The following SLC9A9 variants were observed in gnomAD, a reference collection of about 807,000 sequenced individuals.
The protein encoded by SLC9A9 is solute carrier family 9 member A9, also known as sodium/hydrogen exchanger 9.
Under a neutral mutation model 77.8 loss-of-function variants are expected in SLC9A9, and 62 were observed. The observed-to-expected ratio is 0.80, with a 90% confidence interval of 0.65 to 0.98. SLC9A9 has a LOEUF of 0.98. Ranked by LOEUF, SLC9A9 falls within the 50% of genes least tolerant of loss-of-function variation. The probability of loss-of-function intolerance (pLI) is 0.00; values close to 1 mark genes in which losing one functional copy is unlikely to be tolerated. For missense variants in SLC9A9, 775 were observed against 774.9 expected, an observed-to-expected ratio of 1.00 and a Z score of 0.00; for synonymous variants, 320 against 283.5, an observed-to-expected ratio of 1.13 and a Z score of -1.29.
chr3:143,308,566 ACT>A (rs958428773), intron 14 of SLC9A9, among the ~76,000 whole-genome samples: 6 of 145,590 alleles, frequency 4.1e-5, no homozygotes, highest in African/African-American at 7.6e-5. Flanking sequence ...ACAGAGCGAG[ACT>A]CTGTCTCAAA....
At chr3:143,583,656 G>A (rs2108669591) in intron 6 of SLC9A9, among the ~76,000 whole-genome samples, 1 of 152,252 alleles carries the variant, frequency 6.6e-6, no homozygotes, top group East Asian at 1.9e-4. Context: ...CAACCACACT[G>A]GGTTGCTATG....
chr3:143,597,414 T>C (rs994043254), intron 6 of SLC9A9, among the ~76,000 whole-genome samples: 4 of 152,186 alleles, frequency 2.6e-5, no homozygotes, highest in Non-Finnish European at 5.9e-5. Context: ...GGCTTGTTTG[T>C]GCTCAAAGAG....
intron 2 of SLC9A9, among the ~76,000 whole-genome samples, chr3:143,810,524 G>C (rs2008837414): frequency 6.6e-6 from 1 of 152,194 alleles, no homozygotes; most frequent in African/African-American, 2.4e-5. Flanking sequence ...AGAGACAGGA[G>C]AATAAATTAA....
intron 12 of SLC9A9, among the ~76,000 whole-genome samples, chr3:143,389,982 G>C (rs1307396027): frequency 6.6e-6 from 1 of 152,198 alleles, no homozygotes; most frequent in Non-Finnish European, 1.5e-5. Flanking sequence ...TGAGAGCAGT[G>C]GTGCCCCTCT....
intron 4 of SLC9A9, among the ~76,000 whole-genome samples, chr3:143,782,977 T>A (rs2007929815): frequency 6.6e-6 from 1 of 152,136 alleles, no homozygotes; most frequent in Non-Finnish European, 1.5e-5. Flanking sequence ...TTCTGTCAGT[T>A]CCATCATTCA....
At chr3:143,799,115 G>A (rs980556314) in intron 2 of SLC9A9, among the ~76,000 whole-genome samples, 2 of 152,092 alleles carry the variant, frequency 1.3e-5, no homozygotes, top group Non-Finnish European at 2.9e-5. Context: ...CATAGTCAAG[G>A]TTAATGCTCC....
chr3:143,577,961 C>T (rs2037389140), intron 7 of SLC9A9, among the ~76,000 whole-genome samples: 1 of 152,228 alleles, frequency 6.6e-6, no homozygotes, highest in South Asian at 2.1e-4. Flanking sequence ...CAGCTTCTTT[C>T]TTTGGCTCAG....
At chr3:143,329,675 A>G (rs1318260914) in intron 14 of SLC9A9, among the ~76,000 whole-genome samples, 1 of 152,080 alleles carries the variant, frequency 6.6e-6, no homozygotes, top group African/African-American at 2.4e-5. Flanking sequence ...AGGGAGCTTC[A>G]CTTCTGTTCC....
In SLC9A9 at chr3:143,524,097, G is replaced by C. The variant is rs560731369; in HGVS notation, c.1089+28265C>G. On this transcript the variant is annotated intron_variant, in intron 9 of 15. Coordinates refer to ENST00000316549, the MANE Select transcript of SLC9A9 (RefSeq NM_173653.4). ...TAGAAGGAAGATCAAGAAAGGGCTG[G>C]GTGTTTCAGAGAAACCAAGTGAAGA... is the stretch of plus-strand genomic sequence containing the variant. Among the ~76,000 whole-genome samples the C allele has an allele frequency of 4.6e-5, 7 of 152,064 alleles. No individual in the cohort carries two copies. The South Asian group carries it at 1.5e-3, about 32-fold the overall frequency.
In SLC9A9 at chr3:143,587,394, T is replaced by C. The variant is rs146106571; in HGVS notation, c.756-8671A>G. On this transcript the variant is annotated intron_variant, in intron 6 of 15. Transcript: ENST00000316549. ...GCAAGAGAGGATGGGACAGAGAGGA[T>C]TGGGATGGTCAGGGAAGGCTTCTCT... Among the ~76,000 whole-genome samples the C allele has an allele frequency of 9.8e-4, 149 of 152,018 alleles. 1 individual carries two copies. Among genetic ancestry groups the C allele is most frequent in the African/African-American group, 3.5e-3 (144 of 41,470 alleles).
At chr3:143,569,473 C>T (rs1224494267) in intron 8 of SLC9A9, among the ~76,000 whole-genome samples, 1 of 152,098 alleles carries the variant, frequency 6.6e-6, no homozygotes, top group African/African-American at 2.4e-5. Context: ...ATACCCCACA[C>T]CTCATATCAA....
intron 3 of SLC9A9, among the ~76,000 whole-genome samples, chr3:143,795,736 A>G (rs1027785960): frequency 6.6e-6 from 1 of 152,164 alleles, no homozygotes; most frequent in East Asian, 1.9e-4. Flanking sequence ...CTCCAAAACA[A>G]AACAAAACAA....
intron 2 of SLC9A9, among the ~76,000 whole-genome samples, chr3:143,809,812 T>C (rs113703978): frequency 1.3e-5 from 2 of 152,350 alleles, no homozygotes; most frequent in African/African-American, 2.4e-5. Context: ...ACTAGCCACA[T>C]GAGCCATTGA....
At chr3:143,842,024 G>T (rs2009719353) in intron 1 of SLC9A9, among the ~76,000 whole-genome samples, 1 of 151,952 alleles carries the variant, frequency 6.6e-6, no homozygotes, top group Non-Finnish European at 1.5e-5. Context: ...CAAAGTGCTG[G>T]GATTACAGGA....
intron 12 of SLC9A9, among the ~76,000 whole-genome samples, chr3:143,431,815 C>A (rs1187625120): frequency 2.0e-5 from 3 of 152,106 alleles, no homozygotes; most frequent in African/African-American, 7.2e-5. Flanking sequence ...CTCAGCCCCT[C>A]CTACTCTCCT....
chr3:143,565,318 G>C (rs1291014275), intron 8 of SLC9A9, among the ~76,000 whole-genome samples: 2 of 152,116 alleles, frequency 1.3e-5, no homozygotes, highest in South Asian at 4.1e-4. Flanking sequence ...CATGTTATTT[G>C]TGCCATCTTC....
chr3:143,368,066 T>C (rs1156769277), intron 13 of SLC9A9, among the ~76,000 whole-genome samples: 1 of 152,180 alleles, frequency 6.6e-6, no homozygotes, highest in Non-Finnish European at 1.5e-5. Flanking sequence ...GAATGTTTGA[T>C]ACATTGGGAT....
intron 6 of SLC9A9, among the ~76,000 whole-genome samples, chr3:143,586,650 G>T (rs935660788): frequency 2.6e-5 from 4 of 152,156 alleles, no homozygotes; most frequent in Non-Finnish European, 4.4e-5. Flanking sequence ...TATGAATAAG[G>T]AATTGATTTT....
chr3:143,815,710 A>AG (rs2008994723), intron 2 of SLC9A9, among the ~76,000 whole-genome samples: 2 of 74,870 alleles, frequency 2.7e-5, no homozygotes, highest in African/African-American at 1.2e-4. Flanking sequence ...CTAAAAATAC[A>AG]AAAAAATTAG....
Sources: allele counts gnomAD v4.1 joint callset (sites outside exome capture counted in the v4.1 genomes callset), GRCh38; gene constraint gnomAD v4.1.1; transcripts MANE v1.5; gene names NCBI Gene and HGNC (gene_info 2026-07-23, HGNC 2026-07-21).